The following FKBP14 variants were observed in gnomAD, a reference collection of about 807,000 sequenced individuals.
FKBP14 encodes the protein FKBP prolyl isomerase 14.
In FKBP14, 20 loss-of-function variants were observed where a neutral mutation model predicts 21.6. The observed-to-expected ratio is 0.92, with a 90% confidence interval of 0.65 to 1.34. The LOEUF is 1.34. Among genes scored for constraint, FKBP14 ranks in the 40% most tolerant of loss-of-function variants. The pLI is 0.00. For synonymous variants in FKBP14, 79 were observed against 86.7 expected (o/e 0.91, Z 0.49); for missense variants, 253 against 249.0 (o/e 1.02, Z -0.11).
chr7:30,024,960 G>A (rs558223048), intron 1 of FKBP14, among the ~76,000 whole-genome samples: 232 of 152,268 alleles, frequency 1.5e-3, no homozygotes, highest in Non-Finnish European at 2.4e-3. Flanking sequence ...TATCCACCGT[G>A]GCACTCACCT....
rs920312879 is a variant in FKBP14, at chr7:30,011,816, C to T, written c.*2919G>A. 2 of 151,784 alleles carry T rather than the reference C, an allele frequency of 1.3e-5. No individual in the cohort carries two copies. Among genetic ancestry groups the T allele is most frequent in the African/African-American group, 4.8e-5 (2 of 41,298 alleles). 9.4% of individuals were successfully genotyped at this position (151,784 alleles called of 1,614,324 possible). ...AGCAATCCACCTGCTGAGGCAGCCTCCCAAAGTGCTAGGATTACAGGCGTG... is the reference window on the plus strand; with the variant it reads ...AGCAATCCACCTGCTGAGGCAGCCTTCCAAAGTGCTAGGATTACAGGCGTG... On this transcript the variant is annotated 3_prime_UTR_variant, in exon 4 of 4. Transcript: ENST00000222803.
chr7:30,026,611 C>T lies in FKBP14; in HGVS notation c.-103G>A. On this transcript the variant is annotated 5_prime_UTR_variant, in exon 1 of 4. Coordinates refer to ENST00000222803, the MANE Select transcript of FKBP14 (RefSeq NM_017946.4). ...AAGGCTTACGGACAAGGGCTTCAGA[C>T]AAGTTCAGGACTCCCCCTTCTTAGA... The T allele has an allele frequency of 9.4e-7, 1 of 1,066,396 alleles. No homozygotes were observed. Among genetic ancestry groups the T allele is most frequent in the Non-Finnish European group, 1.3e-6 (1 of 751,000 alleles). 66.1% of individuals were successfully genotyped at this position (1,066,396 alleles called of 1,614,324 possible).
At chr7:30,009,235 A>AT (rs753340209), downstream of FKBP14, among the ~76,000 whole-genome samples, 915 of 142,748 alleles carry the variant, frequency 6.4e-3, 3 homozygotes, top group African/African-American at 0.013. Context: ...TAGTGCTATA[A>AT]TTTTTTTTTT....
rs532708034 is a variant in FKBP14, at chr7:30,011,804, C to G, written c.*2931G>C. The stretch of plus-strand genomic sequence containing the variant: ...CTTCTGGGCTCAAGCAATCCACCTG[C>G]TGAGGCAGCCTCCCAAAGTGCTAGG... On this transcript the variant is annotated 3_prime_UTR_variant, in exon 4 of 4. Coordinates refer to ENST00000222803, the MANE Select transcript of FKBP14 (RefSeq NM_017946.4). 6.6e-6 allele frequency: 1 copy of G among 151,948 alleles called. No individual in the cohort carries two copies. Among genetic ancestry groups the G allele is most frequent in the South Asian group, 2.1e-4 (1 of 4,818 alleles). 9.4% of individuals were successfully genotyped at this position (151,948 alleles called of 1,614,324 possible).
intron 3 of FKBP14, among the ~76,000 whole-genome samples, chr7:30,016,741 A>C (rs1000340731): frequency 6.6e-6 from 1 of 152,070 alleles, no homozygotes; most frequent in African/African-American, 2.4e-5. Context: ...TATTGTTTTC[A>C]ATTTCCCACA....
downstream of FKBP14, among the ~76,000 whole-genome samples, chr7:30,007,341 C>T (rs991879060): frequency 1.3e-5 from 2 of 151,824 alleles, no homozygotes; most frequent in African/African-American, 4.8e-5. Flanking sequence ...TCCCAAGTAG[C>T]TGGGACTACA....
intron 2 of FKBP14, among the ~76,000 whole-genome samples, chr7:30,019,512 T>C (rs916852346): frequency 6.6e-6 from 1 of 152,138 alleles, no homozygotes; most frequent in African/African-American, 2.4e-5. Context: ...TTAAAAGTAA[T>C]AAACTAACTT....
intron 2 of FKBP14, chr7:30,020,117 A>G: frequency 1.9e-6 from 1 of 525,114 alleles, no homozygotes; most frequent in Non-Finnish European, 2.7e-6. Flanking sequence ...AACATGTTAA[A>G]TATTTCTTAG....
chr7:30,024,094 A>C (rs1213010627), intron 1 of FKBP14, among the ~76,000 whole-genome samples: 4 of 152,196 alleles, frequency 2.6e-5, no homozygotes, highest in African/African-American at 2.4e-5. Flanking sequence ...CAGTGCAATA[A>C]GGAAAATATT....
At chr7:30,009,565 A>C (rs1050841550), downstream of FKBP14, among the ~76,000 whole-genome samples, 20 of 152,218 alleles carry the variant, frequency 1.3e-4, no homozygotes, top group African/African-American at 4.8e-4. Flanking sequence ...AAGGTAAGAG[A>C]ATATATTTTC....
At chr7:30,022,913 T>C in intron 1 of FKBP14, 97 bp from the exon 2 acceptor site, 1 of 1,068,440 alleles carries the variant, frequency 9.4e-7, no homozygotes, top group Non-Finnish European at 1.3e-6. Context: ...TTTATTAGTT[T>C]AAAAATTTAT....
At position 30,026,415 on chromosome 7, in the gene FKBP14, GA is replaced by G; in HGVS notation, c.93del (p.Leu32SerfsTer16). 6.2e-7 allele frequency: 1 copy of G among 1,614,206 alleles called. No homozygotes were observed. Among genetic ancestry groups the G allele is most frequent in the Non-Finnish European group, 8.5e-7 (1 of 1,180,024 alleles). ...LIPEPEVKIE[V>X]LQKPFICHRK... ...CGATGGCAGATGAATGGCTTCTGGA[GA>G]ACTTCAATTTTCACTTCTGGTTCAG... On this transcript the variant is annotated frameshift_variant, in exon 1 of 4. Transcript: ENST00000222803. LOFTEE classifies it high-confidence loss of function.
downstream of FKBP14, among the ~76,000 whole-genome samples, chr7:30,007,152 ACTGT>A (rs1409667558): frequency 1.3e-5 from 2 of 152,106 alleles, no homozygotes; most frequent in African/African-American, 4.8e-5. Flanking sequence ...CTTAATTTGA[ACTGT>A]CTAATAAAAA....
rs561620439 is a variant in FKBP14, at chr7:30,016,210, A to G, written c.478-1317T>C. Among the ~76,000 whole-genome samples, 7 of 152,214 alleles carry G rather than the reference A, an allele frequency of 4.6e-5. 1 individual carries two copies. The East Asian group carries it at 1.4e-3, about 29-fold the overall frequency. ...GCATGAGCCACTGCACCCCATGGAC[A>G]CTTCTCTTAAAACTAGATTAAATAG... On this transcript the variant is annotated intron_variant, in intron 3 of 3. Transcript: ENST00000222803.
intron 3 of FKBP14, among the ~76,000 whole-genome samples, chr7:30,016,199 A>G (rs1789879656): frequency 6.6e-6 from 1 of 151,724 alleles, no homozygotes; most frequent in East Asian, 1.9e-4. Flanking sequence ...GAGCCACTGC[A>G]CCCCATGGAC....
intron 1 of FKBP14, chr7:30,025,641 T>G (rs1022922590): frequency 4.6e-5 from 7 of 152,198 alleles, no homozygotes; most frequent in African/African-American, 1.7e-4. Flanking sequence ...CTGTAAACCA[T>G]TTCCATGTTC....
chr7:30,024,926 CA>C (rs1457503144), intron 1 of FKBP14, among the ~76,000 whole-genome samples: 2 of 152,202 alleles, frequency 1.3e-5, no homozygotes, highest in Non-Finnish European at 2.9e-5. Flanking sequence ...ACTGAATTTT[CA>C]AAATGCAAAT....
Position 30,012,945 on chromosome 7 carries a change from C to T in FKBP14, c.*1790G>A, listed in dbSNP as rs1789778498. 6.6e-6 allele frequency: 1 copy of T among 152,130 alleles called. No homozygotes were observed. Among genetic ancestry groups the T allele is most frequent in the Non-Finnish European group, 1.5e-5 (1 of 68,024 alleles). 9.4% of individuals were successfully genotyped at this position (152,130 alleles called of 1,614,324 possible). On this transcript the variant is annotated 3_prime_UTR_variant, in exon 4 of 4. Coordinates refer to ENST00000222803, the MANE Select transcript of FKBP14 (RefSeq NM_017946.4). Reference sequence around the variant, plus strand: ...TGAACTTGGGGACTGAATACTGGTTCTGCAGGTTAGTGCTGACCCTGGGCA... The same window carrying T: ...TGAACTTGGGGACTGAATACTGGTTTTGCAGGTTAGTGCTGACCCTGGGCA...
In FKBP14 at chr7:30,015,826, C is replaced by T. The variant is rs866090928; in HGVS notation, c.478-933G>A. Among the ~76,000 whole-genome samples, 15 of 152,066 alleles carry T rather than the reference C, an allele frequency of 9.9e-5. 1 individual carries two copies. The South Asian group carries it at 1.7e-3, about 17-fold the overall frequency. ...ATTTTTAGTAGAGACGGCGTTTCACCGTGTTAGCCAGGATGGTCTCGATCT... is the reference window on the plus strand; with the variant it reads ...ATTTTTAGTAGAGACGGCGTTTCACTGTGTTAGCCAGGATGGTCTCGATCT... On this transcript the variant is annotated intron_variant, in intron 3 of 3. Coordinates refer to ENST00000222803, the MANE Select transcript of FKBP14 (RefSeq NM_017946.4).
Sources: allele counts gnomAD v4.1 joint callset (sites outside exome capture counted in the v4.1 genomes callset), GRCh38; gene constraint gnomAD v4.1.1; transcripts MANE v1.5; gene names NCBI Gene and HGNC (gene_info 2026-07-23, HGNC 2026-07-21).